Variants in CSMD1 observed in about 807,000 individuals in gnomAD.
The protein encoded by CSMD1 is CUB and Sushi multiple domains 1.
A neutral mutation model predicts 417.5 loss-of-function variants in CSMD1; 213 were observed. The observed-to-expected ratio is 0.51, with a 90% CI of 0.46 to 0.57. CSMD1 has a LOEUF of 0.57. CSMD1 is among the 20% of genes least tolerant of loss of function. The probability of loss-of-function intolerance (pLI) is 0.00; values close to 1 mark genes in which losing one functional copy is unlikely to be tolerated. For synonymous variants in CSMD1, 2,862 were observed against 1,736.8 expected, an observed-to-expected ratio of 1.65 and a Z score of -16.11; for missense variants, 6,923 against 4,529.7, an observed-to-expected ratio of 1.53 and a Z score of -15.17.
rs765144680 is a variant in CSMD1 at position 3,107,671 on chromosome 8, A to T, written c.6835+47T>A. ...TGATTACAATGAGAAGTGGGTGTAAAAAAATGTCGTGCTGAATTCATGGTA... is the reference window on the plus strand; with the variant it reads ...TGATTACAATGAGAAGTGGGTGTAATAAAATGTCGTGCTGAATTCATGGTA... On this transcript the variant is annotated intron_variant, in intron 45 of 69. Coordinates refer to ENST00000635120, the MANE Select transcript of CSMD1 (RefSeq NM_033225.6). The T allele has an allele frequency of 3.6e-6, 4 of 1,122,960 alleles. No individual in the cohort carries two copies. In the South Asian group the frequency reaches 5.3e-5, roughly 15 times the overall value. The allele number at this position is 1,122,960 out of a possible 1,614,324, so 69.6% of individuals were successfully genotyped here.
intron 1 of CSMD1, among the ~76,000 whole-genome samples, chr8:4,842,388 C>A (rs1322413521): frequency 6.6e-6 from 1 of 152,132 alleles, no homozygotes; most frequent in Non-Finnish European, 1.5e-5. Flanking sequence ...TTTTATTCCC[C>A]TTTTGCAATC....
intron 10 of CSMD1, among the ~76,000 whole-genome samples, chr8:3,522,907 A>G (rs1256059969): frequency 1.3e-5 from 2 of 150,086 alleles, no homozygotes; most frequent in Non-Finnish European, 3.0e-5. Context: ...TTTATATATT[A>G]TCATGTATAA....
intron 3 of CSMD1, among the ~76,000 whole-genome samples, chr8:4,226,660 T>A (rs1031663739): frequency 1.3e-5 from 2 of 152,128 alleles, no homozygotes; most frequent in Admixed American, 6.5e-5. Context: ...AGTATAATCA[T>A]AGAAATTAGT....
At position 3,646,247 on chromosome 8, in the gene CSMD1, G is replaced by A. The variant is rs756448302; in HGVS notation, c.1010-29450C>T. Among the ~76,000 whole-genome samples the A allele has an allele frequency of 1.1e-4, 17 of 152,150 alleles. 1 individual carries two copies. In the South Asian group the frequency reaches 3.3e-3, roughly 30 times the overall value. ...AGCACATGTACATAGAAAAAGAAAC[G>A]TGATATGCTGAGATGTTAACTGTAA... is the stretch of plus-strand genomic sequence containing the variant. On this transcript the variant is annotated intron_variant, in intron 7 of 69. Transcript: ENST00000635120.
At chr8:4,559,531 T>A (rs145709763) in intron 2 of CSMD1, among the ~76,000 whole-genome samples, 305 of 152,330 alleles carry the variant, frequency 2.0e-3, no homozygotes, top group South Asian at 0.011. Context: ...ATTAAGTTCT[T>A]GGAAACTGAT....
intron 1 of CSMD1, among the ~76,000 whole-genome samples, chr8:4,782,715 T>G (rs969029841): frequency 1.3e-5 from 2 of 152,122 alleles, no homozygotes; most frequent in African/African-American, 2.4e-5. Flanking sequence ...TCGCTTTAAT[T>G]TGAATCCAAA....
chr8:3,761,518 T>C (rs1160413436), intron 5 of CSMD1, among the ~76,000 whole-genome samples: 5 of 148,742 alleles, frequency 3.4e-5, no homozygotes, highest in African/African-American at 1.2e-4. Context: ...TTTTTTTTTT[T>C]TTTTTGAGAT....
chr8:3,498,422 G>A (rs1032047279), intron 10 of CSMD1, among the ~76,000 whole-genome samples: 1 of 152,126 alleles, frequency 6.6e-6, no homozygotes, highest in Admixed American at 6.5e-5. Context: ...AAATCACCAG[G>A]AGAGAAGGAA....
At chr8:3,340,466 C>G (rs1807574687) in intron 23 of CSMD1, among the ~76,000 whole-genome samples, 1 of 152,090 alleles carries the variant, frequency 6.6e-6, no homozygotes, top group Admixed American at 6.5e-5. Context: ...AATTATGGAT[C>G]TGAAACATTT....
chr8:4,111,748 A>G (rs1018744698), intron 3 of CSMD1, among the ~76,000 whole-genome samples: 2 of 152,168 alleles, frequency 1.3e-5, no homozygotes, highest in Non-Finnish European at 2.9e-5. Context: ...AGAGGGCAAC[A>G]ACACACACTG....
At chr8:4,225,532 C>A (rs1279149170) in intron 3 of CSMD1, among the ~76,000 whole-genome samples, 1 of 146,274 alleles carries the variant, frequency 6.8e-6, no homozygotes, top group Admixed American at 6.8e-5. Flanking sequence ...TCCTTTTTGC[C>A]TCTATTTTTT....
At chr8:4,941,602 A>AT (rs374080413) in intron 1 of CSMD1, among the ~76,000 whole-genome samples, 41,125 of 149,796 alleles carry the variant, frequency 0.27, 6,406 homozygotes, top group Non-Finnish European at 0.37. Context: ...TTAATTTTTA[A>AT]TTTTTATTTT....
intron 11 of CSMD1, among the ~76,000 whole-genome samples, chr8:3,489,095 T>C (rs992558405): frequency 1.3e-5 from 2 of 152,178 alleles, no homozygotes; most frequent in African/African-American, 4.8e-5. Context: ...AGTGTCTGCT[T>C]TTTAATGGCT....
intron 2 of CSMD1, among the ~76,000 whole-genome samples, chr8:4,489,778 G>T (rs912802378): frequency 6.6e-5 from 10 of 152,180 alleles, no homozygotes; most frequent in Admixed American, 2.0e-4. Flanking sequence ...ATGAAAAGCA[G>T]ATCCTTCTTT....
At chr8:4,560,817 C>A (rs1267507558) in intron 2 of CSMD1, among the ~76,000 whole-genome samples, 1 of 152,186 alleles carries the variant, frequency 6.6e-6, no homozygotes, top group Non-Finnish European at 1.5e-5. Flanking sequence ...CTGCCTGTTC[C>A]TCTTCTGTCC....
intron 3 of CSMD1, among the ~76,000 whole-genome samples, chr8:4,247,856 G>A (rs572941979): frequency 1.3e-5 from 2 of 152,156 alleles, no homozygotes; most frequent in African/African-American, 4.8e-5. Context: ...CTATCACATC[G>A]TTATAGAAAT....
chr8:3,175,586 T>C (rs1402068193), intron 37 of CSMD1, among the ~76,000 whole-genome samples: 2 of 147,736 alleles, frequency 1.4e-5, no homozygotes, highest in African/African-American at 4.9e-5. Context: ...CCTTCCTTTT[T>C]GTCCTCCCTC....
chr8:3,503,961 A>G (rs1563101317), intron 10 of CSMD1, among the ~76,000 whole-genome samples: 1 of 152,050 alleles, frequency 6.6e-6, no homozygotes, highest in Non-Finnish European at 1.5e-5. Flanking sequence ...GGCGTGGACA[A>G]GAAGTGGTTG....
chr8:3,251,323 C>A (rs1466318817), intron 26 of CSMD1, among the ~76,000 whole-genome samples: 1 of 152,140 alleles, frequency 6.6e-6, no homozygotes, highest in African/African-American at 2.4e-5. Flanking sequence ...AATAGGGAAT[C>A]CTTTCCCCAT....
Sources: allele counts gnomAD v4.1 joint callset (sites outside exome capture counted in the v4.1 genomes callset), GRCh38; gene constraint gnomAD v4.1.1; transcripts MANE v1.5; gene names NCBI Gene and HGNC (gene_info 2026-07-23, HGNC 2026-07-21).